Variants in EDNRA observed in about 807,000 individuals in gnomAD.
The protein encoded by EDNRA is endothelin-1 receptor.
Under a neutral mutation model 41.4 loss-of-function variants are expected in EDNRA, and 11 were observed. The ratio of observed to expected loss-of-function variants is 0.27; its 90% CI spans 0.17 to 0.44. EDNRA has a LOEUF of 0.44. Ranked by LOEUF, EDNRA falls within the 20% of genes least tolerant of loss-of-function variation. The probability of loss-of-function intolerance (pLI) is 1.00; values close to 1 mark genes in which losing one functional copy is unlikely to be tolerated. For missense variants in EDNRA, 294 were observed against 531.0 expected, an observed-to-expected ratio of 0.55 and a Z score of 4.39; for synonymous variants, 172 against 183.0, an observed-to-expected ratio of 0.94 and a Z score of 0.49.
intron 2 of EDNRA, among the ~76,000 whole-genome samples, chr4:147,502,169 C>A (rs927663495): frequency 1.3e-5 from 2 of 151,928 alleles, no homozygotes; most frequent in Admixed American, 1.3e-4. Flanking sequence ...AATCAAATGC[C>A]CAGTGATAAT....
intron 2 of EDNRA, among the ~76,000 whole-genome samples, chr4:147,510,033 T>C (rs1729866092): frequency 6.6e-6 from 1 of 152,100 alleles, no homozygotes; most frequent in Non-Finnish European, 1.5e-5. Context: ...TAAGCTCCCA[T>C]CCAAGTGTAA....
intron 3 of EDNRA, among the ~76,000 whole-genome samples, chr4:147,528,573 G>C (rs761824919): frequency 7.9e-5 from 12 of 151,922 alleles, no homozygotes; most frequent in Non-Finnish European, 1.5e-4. Context: ...GGTGTCAAGC[G>C]ATCGCCCCCC....
intron 2 of EDNRA, among the ~76,000 whole-genome samples, chr4:147,518,688 T>G (rs943359695): frequency 6.6e-6 from 1 of 151,884 alleles, no homozygotes; most frequent in East Asian, 1.9e-4. Flanking sequence ...CATCATCTTT[T>G]GGAAATAGTA....
In EDNRA at chr4:147,505,326, CATTTTTTTTTTTTT is replaced by C. The variant is rs1308356539; in HGVS notation, c.421-14524_421-14511del. On this transcript the variant is annotated intron_variant, in intron 2 of 7. Transcript: ENST00000651419. ...AAGAGAGTTTGGCAGTTTCTTTTTTCATTTTTTTTTTTTTTTTTTTTTTTTTTTTGGAGGTGGAG... is the reference window on the plus strand; with the variant it reads ...AAGAGAGTTTGGCAGTTTCTTTTTTCTTTTTTTTTTTTTTTGGAGGTGGAG... Among the ~76,000 whole-genome samples the C allele has an allele frequency of 1.9e-3, 152 of 81,998 alleles. 4 individuals are homozygous for C. The highest frequency in any genetic ancestry group is 7.8e-3 in the African/African-American group (144 of 18,412). The allele number at this position is 81,998 out of a possible 152,430, so 53.8% of individuals were successfully genotyped here.
intron 2 of EDNRA, among the ~76,000 whole-genome samples, chr4:147,498,950 A>G (rs1486125368): frequency 1.3e-5 from 2 of 152,260 alleles, no homozygotes; most frequent in African/African-American, 4.8e-5. Context: ...CCTTAACCCC[A>G]AGAAGTAAAT....
Position 147,542,701 on chromosome 4 carries a change from T to G in EDNRA, c.*83T>G. 3.2e-5 allele frequency: 49 copies of G among 1,522,630 alleles called. No individual in the cohort carries two copies. The highest frequency in any genetic ancestry group is 3.9e-5 in the Non-Finnish European group (44 of 1,126,048). The allele number at this position is 1,522,630 out of a possible 1,614,324, so 94.3% of individuals were successfully genotyped here. On this transcript the variant is annotated 3_prime_UTR_variant, in exon 8 of 8. Transcript: ENST00000651419. ...AGGCAACTGTGAGTCCGGGAATCTC[T>G]TCTCTGATCCTTCTTCCTTAATTCA...
intron 2 of EDNRA, among the ~76,000 whole-genome samples, chr4:147,497,888 G>A (rs13143677): frequency 0.4 from 61,327 of 152,002 alleles, 14,372 homozygotes; most frequent in African/African-American, 0.66. Context: ...GACTTTTTGA[G>A]ACCAAAGAAC....
chr4:147,494,022 C>T (rs983176473), intron 2 of EDNRA: 14 of 152,178 alleles, frequency 9.2e-5, no homozygotes, highest in African/African-American at 3.4e-4. Context: ...AAAACAACTT[C>T]CTTGGAGACT....
chr4:147,494,436 A>G (rs1387223822), intron 2 of EDNRA: 1 of 152,304 alleles, frequency 6.6e-6, no homozygotes, highest in Non-Finnish European at 1.5e-5. Context: ...ATGAAGGAGC[A>G]AACAATGCCA....
At chr4:147,518,678 C>A (rs1295611415) in intron 2 of EDNRA, among the ~76,000 whole-genome samples, 1 of 151,804 alleles carries the variant, frequency 6.6e-6, no homozygotes, top group Non-Finnish European at 1.5e-5. Context: ...TTAAACCTCA[C>A]ATCATCTTTT....
intron 2 of EDNRA, among the ~76,000 whole-genome samples, chr4:147,508,221 C>T (rs1729792521): frequency 6.6e-6 from 1 of 152,282 alleles, no homozygotes; most frequent in Admixed American, 6.5e-5. Flanking sequence ...TCACTGCAAC[C>T]TCCACCTCCC....
chr4:147,496,899 C>T (rs1729318154), intron 2 of EDNRA, among the ~76,000 whole-genome samples: 1 of 152,120 alleles, frequency 6.6e-6, no homozygotes, highest in African/African-American at 2.4e-5. Flanking sequence ...GGACATTCTC[C>T]TATGCATCTT....
At chr4:147,532,325 CAAAAAAAAAAA>C (rs59851236) in intron 3 of EDNRA, among the ~76,000 whole-genome samples, 170 bp from the exon 4 acceptor site, 4 of 60,388 alleles carry the variant, frequency 6.6e-5, no homozygotes, top group South Asian at 8.8e-4. Flanking sequence ...GATTTTGCCT[CAAAAAAAAAAA>C]AAAAAAAAAA....
At chr4:147,502,041 T>A (rs1424561463) in intron 2 of EDNRA, among the ~76,000 whole-genome samples, 1 of 152,184 alleles carries the variant, frequency 6.6e-6, no homozygotes, top group Non-Finnish European at 1.5e-5. Context: ...TTCCTTTGGA[T>A]TATCTTAAAT....
intron 5 of EDNRA, among the ~76,000 whole-genome samples, chr4:147,537,813 A>C (rs2884338): frequency 1.4e-4 from 10 of 70,182 alleles, no homozygotes; most frequent in Non-Finnish European, 2.6e-4. Context: ...GTCCTCATGC[A>C]GTTAACGTTC....
intron 3 of EDNRA, among the ~76,000 whole-genome samples, chr4:147,525,256 A>C (rs1044844610): frequency 2.0e-5 from 3 of 152,248 alleles, no homozygotes; most frequent in Admixed American, 6.5e-5. Context: ...GAGAGAAAGC[A>C]CATGATTTCT....
chr4:147,484,170 G>A (rs1465374833), intron 1 of EDNRA, among the ~76,000 whole-genome samples: 2 of 152,096 alleles, frequency 1.3e-5, no homozygotes, highest in Admixed American at 6.5e-5. Context: ...GAAATAGGAT[G>A]AGCTATTTTT....
intron 2 of EDNRA, among the ~76,000 whole-genome samples, chr4:147,513,996 G>A (rs967157727): frequency 3.9e-5 from 6 of 152,158 alleles, no homozygotes; most frequent in African/African-American, 1.2e-4. Context: ...GCATAAGTTC[G>A]TTTATATTTT....
chr4:147,534,983 T>C (rs2126478962), intron 4 of EDNRA, among the ~76,000 whole-genome samples: 1 of 152,290 alleles, frequency 6.6e-6, no homozygotes, highest in South Asian at 2.1e-4. Context: ...TCAGAAACTG[T>C]CCCATTTTTT....
Sources: gnomAD v4.1 joint callset for allele counts (sites outside exome capture counted in the v4.1 genomes callset) on GRCh38, gnomAD v4.1.1 for gene constraint, MANE v1.5 for transcripts, NCBI Gene and HGNC (gene_info 2026-07-23, HGNC 2026-07-21) for gene names.